CFAP44: variants seen among roughly 807,000 people sequenced by gnomAD.
CFAP44 encodes cilia and flagella associated protein 44.
A neutral mutation model predicts 216.2 loss-of-function variants in CFAP44; 134 were observed. The observed-to-expected ratio is 0.62, with a 90% CI of 0.54 to 0.72. The LOEUF (loss-of-function observed/expected upper bound fraction) is 0.72. Among genes scored for constraint, CFAP44 ranks in the 30% least tolerant of loss-of-function variants. CFAP44 has a pLI of 0.00. For missense variants in CFAP44, 2,035 were observed against 2,182.1 expected (o/e 0.93, Z 1.34); for synonymous variants, 700 against 727.6 (o/e 0.96, Z 0.61).
At chr3:113,306,135 GC>G in intron 30 of CFAP44, 65 bp downstream of exon 30, 1 of 1,468,374 alleles carries the variant, frequency 6.8e-7, no homozygotes. Context: ...CTATAAAAAG[GC>G]AATATTATAG....
chr3:113,341,897 T>C lies in CFAP44; in HGVS notation c.3284A>G (p.Glu1095Gly). The change falls in exon 24 of 35, where the codon GAA becomes GGA. Residue 1095 changes from glutamate (E) to glycine (G), a missense_variant. This residue lies in a region of CFAP44 where 1,883 missense variants were observed against 2,023.7 expected (regional missense o/e 0.93). Coordinates refer to ENST00000393845, the MANE Select transcript of CFAP44 (RefSeq NM_001164496.2). ...RDAGGSVTIQ[E>G]ESIIEKGKKF... The stretch of plus-strand genomic sequence containing the variant: ...CTTCCCTTTTTCTATTATTGATTCT[T>C]CTTGTATGGTAACACTCCCACCTAC... 6.5e-7 allele frequency: 1 copy of C among 1,530,204 alleles called. No homozygotes were observed. Among genetic ancestry groups the C allele is most frequent in the Non-Finnish European group, 8.7e-7 (1 of 1,145,426 alleles). 94.8% of individuals were successfully genotyped at this position (1,530,204 alleles called of 1,614,324 possible).
At chr3:113,382,224 G>C (rs1349972922) in intron 15 of CFAP44, among the ~76,000 whole-genome samples, 1 of 152,136 alleles carries the variant, frequency 6.6e-6, no homozygotes, top group Non-Finnish European at 1.5e-5. Flanking sequence ...GACAAGATGT[G>C]GGAGAGGGAA....
At chr3:113,336,657 GAACA>G (rs1559915242) in intron 24 of CFAP44, among the ~76,000 whole-genome samples, 2 of 151,794 alleles carry the variant, frequency 1.3e-5, no homozygotes, top group Non-Finnish European at 2.9e-5. Context: ...CCAAAAAATA[GAACA>G]AACAGAAAAC....
chr3:113,426,752 G>A, intron 3 of CFAP44: 1 of 202,314 alleles, frequency 4.9e-6, no homozygotes, highest in Middle Eastern at 2.0e-3. Context: ...CAATACTCTA[G>A]CAGTAAGTAC....
chr3:113,433,215 G>A lies in CFAP44; in HGVS notation c.100+350C>T, dbSNP rs540260327. ...AGGCAGAGGCAGGTGGATCACCTGA[G>A]GTCAGGAGTTCGAGACCAGCCTGAC... On this transcript the variant is annotated intron_variant, in intron 2 of 34. Coordinates refer to ENST00000393845, the MANE Select transcript of CFAP44 (RefSeq NM_001164496.2). 5.3e-5 allele frequency among the ~76,000 whole-genome samples: 8 copies of A among 151,892 alleles called. No individual in the cohort carries two copies. In the South Asian group the frequency reaches 1.7e-3, roughly 32 times the overall value.
At chr3:113,326,377 C>A in intron 28 of CFAP44, 68 bp downstream of exon 28, 1 of 1,355,296 alleles carries the variant, frequency 7.4e-7, no homozygotes, top group South Asian at 1.7e-5. Context: ...CTAATAGGTC[C>A]CTTAGTTACC....
intron 2 of CFAP44, among the ~76,000 whole-genome samples, chr3:113,427,766 G>A (rs1935001292): frequency 6.6e-6 from 1 of 152,004 alleles, no homozygotes; most frequent in African/African-American, 2.4e-5. Flanking sequence ...TGGAATATTG[G>A]CTTTAGGACA....
At chr3:113,419,979 G>T (rs576594425) in intron 5 of CFAP44, 38 bp downstream of exon 5, 1 of 1,600,880 alleles carries the variant, frequency 6.2e-7, no homozygotes, top group Admixed American at 1.7e-5. Context: ...AAAAGATAGG[G>T]TTTTTTGGGG....
At chr3:113,410,381 G>C (rs1009134942) in intron 6 of CFAP44, among the ~76,000 whole-genome samples, 2 of 152,094 alleles carry the variant, frequency 1.3e-5, no homozygotes, top group Admixed American at 1.3e-4. Flanking sequence ...TCCCACCTAT[G>C]AGTGAGAACA....
intron 17 of CFAP44, among the ~76,000 whole-genome samples, 195 bp from the exon 18 acceptor site, chr3:113,373,751 AATTATAATAAAAACCTC>A (rs1933250674): frequency 6.6e-6 from 1 of 152,176 alleles, no homozygotes; most frequent in Admixed American, 6.5e-5. Flanking sequence ...ACAACTATAT[AATTATAATAAAAACCTC>A]ATGATGATTT....
In CFAP44 at chr3:113,299,659, A is replaced by C. The variant is rs1949915734; in HGVS notation, c.5078-2774T>G. Among the ~76,000 whole-genome samples, 2 of 152,226 alleles carry C rather than the reference A, an allele frequency of 1.3e-5. 1 individual carries two copies. Among genetic ancestry groups the C allele is most frequent in the South Asian group, 4.1e-4 (2 of 4,820 alleles). The stretch of plus-strand genomic sequence containing the variant: ...TCATAATAGCCAAGATTTGGAAGCG[A>C]CTTACTGTCCCTCAACAGACAATGG... On this transcript the variant is annotated intron_variant, in intron 32 of 34. Coordinates refer to ENST00000393845, the MANE Select transcript of CFAP44 (RefSeq NM_001164496.2).
chr3:113,389,509 A>G (rs557559866), intron 15 of CFAP44, among the ~76,000 whole-genome samples: 31 of 152,260 alleles, frequency 2.0e-4, no homozygotes, highest in African/African-American at 7.0e-4. Context: ...AAGAAAATAA[A>G]TGAAAAAGAT....
chr3:113,299,332 T>C (rs1013460591), intron 32 of CFAP44, among the ~76,000 whole-genome samples: 2 of 152,162 alleles, frequency 1.3e-5, no homozygotes, highest in Non-Finnish European at 2.9e-5. Context: ...TTGCTGATCG[T>C]CAGAAAAGTG....
At chr3:113,347,273 C>A (rs1408853030) in intron 22 of CFAP44, among the ~76,000 whole-genome samples, 1 of 152,116 alleles carries the variant, frequency 6.6e-6, no homozygotes, top group African/African-American at 2.4e-5. Context: ...TGGGCTGAGC[C>A]AACGGTCAAG....
At position 113,291,317 on chromosome 3, in the gene CFAP44, T is replaced by C. The variant is rs1487888939; in HGVS notation, c.*240A>G. On this transcript the variant is annotated 3_prime_UTR_variant, in exon 35 of 35. Coordinates refer to ENST00000393845, the MANE Select transcript of CFAP44 (RefSeq NM_001164496.2). Reference sequence around the variant, plus strand: ...CAGCCTTCCGAGACTTCATATTCAATCTAGTAGGTTCGAAACATCTAAAAT... The same window carrying C: ...CAGCCTTCCGAGACTTCATATTCAACCTAGTAGGTTCGAAACATCTAAAAT... The C allele has an allele frequency of 1.2e-5, 5 of 420,450 alleles. No homozygotes were observed. The highest frequency in any genetic ancestry group is 1.7e-5 in the Non-Finnish European group (4 of 232,384). 26.0% of individuals were successfully genotyped at this position (420,450 alleles called of 1,614,324 possible). A position where few individuals can be genotyped will look rare whatever the true frequency, so the allele number is the denominator to read the frequency against.
Position 113,333,598 on chromosome 3 carries a change from G to T in CFAP44, c.3438-15C>A. ...TACTCTTGTATCTATTAGAAAAACA[G>T]ACAACCCCCCCACACACAAATATGA... On this transcript the variant is annotated splice_polypyrimidine_tract_variant and intron_variant, in intron 24 of 34. Transcript: ENST00000393845. 2 of 1,502,502 alleles carry T rather than the reference G, an allele frequency of 1.3e-6. No individual in the cohort carries two copies. Among genetic ancestry groups the T allele is most frequent in the South Asian group, 2.6e-5 (2 of 77,310 alleles). 93.1% of individuals were successfully genotyped at this position (1,502,502 alleles called of 1,614,324 possible). A position where few individuals can be genotyped will look rare whatever the true frequency, so the allele number is the denominator to read the frequency against.
chr3:113,435,308 C>G (rs996855322), intron 1 of CFAP44, among the ~76,000 whole-genome samples: 4 of 152,154 alleles, frequency 2.6e-5, no homozygotes, highest in Admixed American at 2.0e-4. Flanking sequence ...AGGACACTTA[C>G]AATCATAGCA....
intron 22 of CFAP44, among the ~76,000 whole-genome samples, chr3:113,356,583 A>G (rs76820327): frequency 4.6e-5 from 7 of 152,202 alleles, no homozygotes; most frequent in Non-Finnish European, 5.9e-5. Context: ...CATCACTACA[A>G]TCTAGTAAGG....
chr3:113,363,701 A>G (rs1950563018), intron 19 of CFAP44, among the ~76,000 whole-genome samples, 169 bp from the exon 20 acceptor site: 1 of 152,314 alleles, frequency 6.6e-6, no homozygotes, highest in Non-Finnish European at 1.5e-5. Context: ...AAGGAAAAAA[A>G]TGCAGTTTAC....
Sources: gnomAD v4.1 joint callset for allele counts (sites outside exome capture counted in the v4.1 genomes callset) on GRCh38, gnomAD v4.1.1 for gene constraint, gnomAD v4.1.1 regional missense constraint, MANE v1.5 for transcripts, NCBI Gene and HGNC (gene_info 2026-07-23, HGNC 2026-07-21) for gene names.